NR3C2: variants seen among roughly 807,000 people sequenced by gnomAD.
NR3C2 encodes the protein nuclear receptor subfamily 3 group C member 2.
A neutral mutation model predicts 86.4 loss-of-function variants in NR3C2; 15 were observed. The ratio of observed to expected loss-of-function variants is 0.17; its 90% CI spans 0.12 to 0.27. The LOEUF (loss-of-function observed/expected upper bound fraction) is 0.27. Ranked by LOEUF, NR3C2 falls within the 10% of genes least tolerant of loss-of-function variation. The pLI is 1.00. For synonymous variants in NR3C2, 458 were observed against 450.5 expected, an observed-to-expected ratio of 1.02 and a Z score of -0.21; for missense variants, 960 against 1,195.6, an observed-to-expected ratio of 0.80 and a Z score of 2.91.
chr4:148,370,960 A>C (rs1413822279), intron 2 of NR3C2, among the ~76,000 whole-genome samples: 1 of 152,112 alleles, frequency 6.6e-6, no homozygotes, highest in Non-Finnish European at 1.5e-5. Context: ...TGGAACTCCT[A>C]GACTCAAACA....
chr4:148,224,346 T>A (rs1297154688), intron 3 of NR3C2, among the ~76,000 whole-genome samples: 1 of 152,244 alleles, frequency 6.6e-6, no homozygotes, highest in African/African-American at 2.4e-5. Flanking sequence ...GTTACACTAT[T>A]TCATGATATG....
At chr4:148,271,726 T>C (rs1422513808) in intron 2 of NR3C2, among the ~76,000 whole-genome samples, 1 of 152,174 alleles carries the variant, frequency 6.6e-6, no homozygotes, top group Non-Finnish European at 1.5e-5. Flanking sequence ...ACTATCACTA[T>C]TAGAGCCGTG....
chr4:148,383,546 G>A (rs1003670719), intron 2 of NR3C2, among the ~76,000 whole-genome samples: 1 of 152,204 alleles, frequency 6.6e-6, no homozygotes, highest in Non-Finnish European at 1.5e-5. Context: ...AGCTGCTTGA[G>A]TAGGAATTTA....
intron 3 of NR3C2, among the ~76,000 whole-genome samples, chr4:148,210,896 C>T (rs529804171): frequency 3.9e-5 from 6 of 152,316 alleles, no homozygotes; most frequent in Admixed American, 3.9e-4. Flanking sequence ...CTCATCTGTA[C>T]AATGTAGATA....
intron 2 of NR3C2, among the ~76,000 whole-genome samples, chr4:148,412,819 G>GCA (rs1353889727): frequency 4.4e-5 from 2 of 45,802 alleles, no homozygotes; most frequent in African/African-American, 1.6e-4. Context: ...GTGCACATGT[G>GCA]CGCACACACA....
chr4:148,128,155 A>C (rs1182212880), intron 6 of NR3C2, among the ~76,000 whole-genome samples: 1 of 152,178 alleles, frequency 6.6e-6, no homozygotes, highest in Non-Finnish European at 1.5e-5. Context: ...CCTGCTTTTA[A>C]CTGAGCACCT....
intron 6 of NR3C2, chr4:148,146,341 C>A (rs1243751262): frequency 6.6e-6 from 1 of 152,588 alleles, no homozygotes; most frequent in African/African-American, 2.4e-5. Context: ...CCATTAGAAT[C>A]CTCTGATGCC....
intron 2 of NR3C2, among the ~76,000 whole-genome samples, chr4:148,328,512 A>G (rs1382435562): frequency 1.3e-5 from 2 of 152,194 alleles, no homozygotes; most frequent in African/African-American, 4.8e-5. Flanking sequence ...AGAAATGGTA[A>G]CCAACTCAGG....
At position 148,081,517 on chromosome 4, in the gene NR3C2, G is replaced by T. The variant is rs760282439; in HGVS notation, c.2800-18C>A. The T allele has an allele frequency of 1.9e-6, 3 of 1,613,918 alleles. No homozygotes were observed. In the African/African-American group the frequency reaches 4.0e-5, roughly 22 times the overall value. On this transcript the variant is annotated intron_variant, in intron 8 of 8. Transcript: ENST00000358102. ...CTCACCAGCTGTAACACAGACACAG[G>T]GGGCATGACACGGGGGCCTCCTTTC... is the stretch of plus-strand genomic sequence containing the variant.
chr4:148,147,206 T>C (rs1185841812), intron 6 of NR3C2, among the ~76,000 whole-genome samples: 1 of 152,254 alleles, frequency 6.6e-6, no homozygotes, highest in African/African-American at 2.4e-5. Context: ...TTATTCCCTA[T>C]TTCCCACCTT....
chr4:148,136,087 A>AAAAAAAAAAAAAAAAAAC (rs1560940053), intron 6 of NR3C2, among the ~76,000 whole-genome samples: 2 of 79,254 alleles, frequency 2.5e-5, no homozygotes, highest in African/African-American at 8.7e-5. Context: ...CAAAAAAAAA[A>AAAAAAAAAAAAAAAAAAC]AACACCACCA....
Position 148,120,212 on chromosome 4 carries a change from G to T in NR3C2, c.2587C>A (p.Gln863Lys). 2 of 1,614,182 alleles carry T rather than the reference G, an allele frequency of 1.2e-6. No individual in the cohort carries two copies. The highest frequency in any genetic ancestry group is 1.1e-5 in the South Asian group (1 of 91,078). Residue 863 changes from glutamine to lysine, a missense_variant, in exon 7 of 9, where the codon CAG becomes AAG. Gln to Lys is a moderately conservative substitution (Grantham distance 53). Transcript: ENST00000358102. ...ATGGTGTATTCTTCAAAGGTGAGCTGCAGTCGAACGAACTGAAGGCTGATT... is the reference window on the plus strand; with the variant it reads ...ATGGTGTATTCTTCAAAGGTGAGCTTCAGTCGAACGAACTGAAGGCTGATT... ...HQISLQFVRL[Q>K]LTFEEYTIMK...
intron 2 of NR3C2, among the ~76,000 whole-genome samples, chr4:148,267,294 T>TG (rs112297043): frequency 0.19 from 29,345 of 151,706 alleles, 2,931 homozygotes; most frequent in Admixed American, 0.27. Context: ...TAATTTTTTT[T>TG]TTTTTTAAAG....
At chr4:148,208,276 T>G (rs1737107350) in intron 3 of NR3C2, 1 of 152,282 alleles carries the variant, frequency 6.6e-6, no homozygotes, top group Non-Finnish European at 1.5e-5. Context: ...CGTCCATCCG[T>G]AGAATGGTCA....
intron 2 of NR3C2, among the ~76,000 whole-genome samples, chr4:148,317,867 G>T (rs1013275393): frequency 2.1e-5 from 3 of 144,374 alleles, no homozygotes; most frequent in African/African-American, 7.5e-5. Flanking sequence ...TAGTTAAGCT[G>T]TTTTCTTTTT....
intron 2 of NR3C2, among the ~76,000 whole-genome samples, chr4:148,331,640 C>T (rs1744241650): frequency 6.6e-6 from 1 of 152,174 alleles, no homozygotes; most frequent in Admixed American, 6.5e-5. Context: ...AATATATATG[C>T]ATAGACTTTC....
chr4:148,376,224 T>C (rs72656864), intron 2 of NR3C2, among the ~76,000 whole-genome samples: 1 of 149,498 alleles, frequency 6.7e-6, no homozygotes. Context: ...TAGATGAAAC[T>C]CTTTGGTGTA....
chr4:148,274,705 C>CTTTTTT (rs34170216), intron 2 of NR3C2, among the ~76,000 whole-genome samples: 1 of 129,214 alleles, frequency 7.7e-6, no homozygotes. Context: ...GTAGTTTTTT[C>CTTTTTT]TTTTTTTTTT....
At chr4:148,148,656 C>T (rs191489215) in intron 6 of NR3C2, among the ~76,000 whole-genome samples, 6 of 152,302 alleles carry the variant, frequency 3.9e-5, no homozygotes, top group Non-Finnish European at 7.4e-5. Context: ...CTTTCCTCCT[C>T]GTATACTTCC....
Sources: allele counts gnomAD v4.1 joint callset (sites outside exome capture counted in the v4.1 genomes callset), GRCh38; gene constraint gnomAD v4.1.1; transcripts MANE v1.5; gene names NCBI Gene and HGNC (gene_info 2026-07-23, HGNC 2026-07-21).